The following RCAN2 variants were observed in gnomAD, a reference collection of about 807,000 sequenced individuals.
The protein encoded by RCAN2 is calcipressin-2.
In RCAN2, 9 loss-of-function variants were observed where a neutral mutation model predicts 23.6. The observed-to-expected ratio is 0.38, with a 90% CI of 0.23 to 0.67. The LOEUF is 0.67. Among genes scored for constraint, RCAN2 ranks in the 30% least tolerant of loss-of-function variants. The probability of loss-of-function intolerance (pLI) is 0.51; values close to 1 mark genes in which losing one functional copy is unlikely to be tolerated. For missense variants in RCAN2, 273 were observed against 302.3 expected (o/e 0.90, Z 0.72); for synonymous variants, 109 against 115.7 (o/e 0.94, Z 0.37).
At chr6:46,490,960 G>A (rs1395356140) in intron 1 of RCAN2, among the ~76,000 whole-genome samples, 13 of 151,404 alleles carry the variant, frequency 8.6e-5, no homozygotes, top group African/African-American at 3.2e-4. Flanking sequence ...CCGCAGCCGG[G>A]ACTGACCACA....
intron 2 of RCAN2, among the ~76,000 whole-genome samples, chr6:46,331,746 A>G (rs1238953364): frequency 6.6e-6 from 1 of 152,232 alleles, no homozygotes; most frequent in African/African-American, 2.4e-5. Context: ...TTTTCAGTGA[A>G]CAGAGCTAGA....
At chr6:46,275,802 C>T (rs374180436) in intron 2 of RCAN2, among the ~76,000 whole-genome samples, 137 of 152,240 alleles carry the variant, frequency 9.0e-4, no homozygotes, top group African/African-American at 2.6e-3. Context: ...TTATCAGATG[C>T]GACCAGAAAG....
intron 2 of RCAN2, among the ~76,000 whole-genome samples, chr6:46,337,583 T>G (rs906968297): frequency 9.9e-5 from 15 of 152,230 alleles, no homozygotes; most frequent in Admixed American, 7.9e-4. Flanking sequence ...CTGATCCTCT[T>G]TCTGTATTTC....
At chr6:46,467,931 T>C (rs780617836) in intron 1 of RCAN2, among the ~76,000 whole-genome samples, 2 of 152,214 alleles carry the variant, frequency 1.3e-5, no homozygotes, top group African/African-American at 2.4e-5. Flanking sequence ...TAGGAGAAGA[T>C]GGACTGACAG....
intron 2 of RCAN2, among the ~76,000 whole-genome samples, chr6:46,372,110 A>T (rs1765338545): frequency 6.6e-6 from 1 of 152,250 alleles, no homozygotes; most frequent in Admixed American, 6.5e-5. Flanking sequence ...TACATGGAAT[A>T]TAACTAAAGG....
chr6:46,414,520 T>C (rs1766645912), intron 2 of RCAN2, among the ~76,000 whole-genome samples: 2 of 152,218 alleles, frequency 1.3e-5, no homozygotes, highest in Admixed American at 1.3e-4. Flanking sequence ...ATTCTGGGTG[T>C]TTTTGTGAAC....
rs76140014 is a variant in RCAN2, at chr6:46,221,174, T to C, written c.*1967A>G. On this transcript the variant is annotated 3_prime_UTR_variant, in exon 5 of 5. Transcript: ENST00000371374. Reference sequence around the variant, plus strand: ...TAAGTTGTTAAAAATGTCAGATGTGTCTTTTAAAAAACATTTAAAAATCAT... The same window carrying C: ...TAAGTTGTTAAAAATGTCAGATGTGCCTTTTAAAAAACATTTAAAAATCAT... The C allele has an allele frequency of 0.015, 2,314 of 152,434 alleles. 20 individuals are homozygous for C. The highest frequency in any genetic ancestry group is 0.025 in the Non-Finnish European group (1,673 of 68,040). 9.4% of individuals were successfully genotyped at this position (152,434 alleles called of 1,614,324 possible).
intron 1 of RCAN2, among the ~76,000 whole-genome samples, chr6:46,486,627 TC>T (rs1216982999): frequency 5.9e-5 from 9 of 152,238 alleles, no homozygotes; most frequent in Non-Finnish European, 4.4e-5. Context: ...AGGACCGTGT[TC>T]TAAAATAATA....
At chr6:46,338,578 C>T (rs766216882) in intron 2 of RCAN2, among the ~76,000 whole-genome samples, 7 of 152,170 alleles carry the variant, frequency 4.6e-5, no homozygotes, top group Non-Finnish European at 7.4e-5. Context: ...TCAAAAATAA[C>T]AAAAGTCTGT....
At chr6:46,342,561 G>T (rs1012957554) in intron 2 of RCAN2, among the ~76,000 whole-genome samples, 4 of 145,424 alleles carry the variant, frequency 2.8e-5, no homozygotes, top group African/African-American at 9.8e-5. Context: ...CTTAAAAAAA[G>T]AAAGAAAGAA....
chr6:46,276,452 T>C (rs1388277150), intron 2 of RCAN2, among the ~76,000 whole-genome samples: 1 of 152,184 alleles, frequency 6.6e-6, no homozygotes, highest in African/African-American at 2.4e-5. Flanking sequence ...CTAGGAGCTC[T>C]GTGGTCCTAT....
Position 46,222,363 on chromosome 6 carries a change from A to G in RCAN2, c.*778T>C, listed in dbSNP as rs753148469. 3 of 165,512 alleles carry G rather than the reference A, an allele frequency of 1.8e-5. No homozygotes were observed. The highest frequency in any genetic ancestry group is 6.4e-5 in the Admixed American group (1 of 15,640). The allele number at this position is 165,512 out of a possible 1,614,324, so 10.3% of individuals were successfully genotyped here. A position where few individuals can be genotyped will look rare whatever the true frequency, so the allele number is the denominator to read the frequency against. On this transcript the variant is annotated 3_prime_UTR_variant, in exon 5 of 5. Coordinates refer to ENST00000371374, the MANE Select transcript of RCAN2 (RefSeq NM_001251974.2). ...AGACACCATGAAACTTTTGTAATAA[A>G]TAGGTTTGTCTGAAATCAGTCTCTA...
chr6:46,382,865 C>T (rs1231221047), intron 2 of RCAN2, among the ~76,000 whole-genome samples: 1 of 152,166 alleles, frequency 6.6e-6, no homozygotes, highest in African/African-American at 2.4e-5. Context: ...AAACCTTTCT[C>T]TTTGAATGGT....
intron 2 of RCAN2, among the ~76,000 whole-genome samples, chr6:46,281,857 T>G (rs1767934720): frequency 1.8e-5 from 1 of 55,502 alleles, no homozygotes. Flanking sequence ...AAACTAAGGC[T>G]TATAAGTGGC....
intron 2 of RCAN2, among the ~76,000 whole-genome samples, chr6:46,425,059 C>T (rs1238524213): frequency 6.6e-6 from 1 of 152,060 alleles, no homozygotes; most frequent in Non-Finnish European, 1.5e-5. Context: ...GCATGTGGTC[C>T]CCTTTCTTCA....
At chr6:46,385,886 A>T (rs1765731118) in intron 2 of RCAN2, among the ~76,000 whole-genome samples, 1 of 107,494 alleles carries the variant, frequency 9.3e-6, no homozygotes, top group South Asian at 3.1e-4. Context: ...AAAAAAAAAG[A>T]CTTAAATATA....
In RCAN2 at chr6:46,411,140, G is replaced by A. The variant is rs577191572; in HGVS notation, c.225+45612C>T. Among the ~76,000 whole-genome samples the A allele has an allele frequency of 1.6e-4, 24 of 152,316 alleles. No individual in the cohort carries two copies. The South Asian group carries it at 3.5e-3, about 22-fold the overall frequency. ...ATACAGAGCCCATACAGGGATGAAT[G>A]GATAAGCAAAATGTGTCATATACCT... On this transcript the variant is annotated intron_variant, in intron 2 of 4. Transcript: ENST00000371374.
chr6:46,485,093 G>A (rs947136), intron 1 of RCAN2, among the ~76,000 whole-genome samples: 63,491 of 152,010 alleles, frequency 0.42, 16,197 homozygotes, highest in Non-Finnish European at 0.58. Flanking sequence ...CTAACAATCT[G>A]TCCTAAGAAA....
intron 4 of RCAN2, among the ~76,000 whole-genome samples, chr6:46,235,812 A>C (rs1378734819): frequency 6.6e-6 from 1 of 152,126 alleles, no homozygotes; most frequent in Non-Finnish European, 1.5e-5. Context: ...CCTCCCACCC[A>C]AAATACTCTT....
Sources: allele counts gnomAD v4.1 joint callset (sites outside exome capture counted in the v4.1 genomes callset), GRCh38; gene constraint gnomAD v4.1.1; transcripts MANE v1.5; gene names NCBI Gene and HGNC (gene_info 2026-07-23, HGNC 2026-07-21).